The following THEMIS variants were observed in gnomAD, a reference collection of about 807,000 sequenced individuals.
The protein encoded by THEMIS is thymocyte selection associated.
In THEMIS, 37 loss-of-function variants were observed where a neutral mutation model predicts 52.6. The ratio of observed to expected loss-of-function variants is 0.70; its 90% CI spans 0.54 to 0.93. The LOEUF is 0.93. Ranked by LOEUF, THEMIS falls within the 40% of genes least tolerant of loss-of-function variation. The pLI is 0.00. For synonymous variants in THEMIS, 292 were observed against 272.7 expected (o/e 1.07, Z -0.70); for missense variants, 808 against 763.1 (o/e 1.06, Z -0.69).
chr6:127,814,519 T>C (rs1387995809), intron 3 of THEMIS, among the ~76,000 whole-genome samples: 1 of 152,170 alleles, frequency 6.6e-6, no homozygotes, highest in Non-Finnish European at 1.5e-5. Flanking sequence ...TTGAGATTAA[T>C]ATGCGAAAAT....
At chr6:127,752,053 T>C (rs1016193129) in intron 4 of THEMIS, among the ~76,000 whole-genome samples, 4 of 151,726 alleles carry the variant, frequency 2.6e-5, no homozygotes, top group East Asian at 1.9e-4. Context: ...TGGACCACTA[T>C]TGAACAGCCA....
At chr6:127,908,629 T>C in intron 1 of THEMIS, among the ~76,000 whole-genome samples, 1 of 152,114 alleles carries the variant, frequency 6.6e-6, no homozygotes. Flanking sequence ...AACCATGAAA[T>C]AAAAAATGAA....
At chr6:127,856,447 T>G (rs914684464) in intron 1 of THEMIS, among the ~76,000 whole-genome samples, 9 of 151,884 alleles carry the variant, frequency 5.9e-5, no homozygotes, top group African/African-American at 1.9e-4. Context: ...AAAATAAATG[T>G]CCTGACCTCA....
chr6:127,841,064 A>G (rs144471792), intron 2 of THEMIS, among the ~76,000 whole-genome samples: 1 of 152,200 alleles, frequency 6.6e-6, no homozygotes, highest in Admixed American at 6.6e-5. Context: ...AGAATGTACA[A>G]CACCAAAAAT....
At chr6:127,877,200 A>C (rs1016334191) in intron 1 of THEMIS, among the ~76,000 whole-genome samples, 5 of 152,212 alleles carry the variant, frequency 3.3e-5, no homozygotes, top group African/African-American at 1.2e-4. Context: ...GGATTTGGCT[A>C]AGAGAATGTT....
intron 4 of THEMIS, among the ~76,000 whole-genome samples, chr6:127,777,052 C>T (rs1206307182): frequency 6.6e-6 from 1 of 151,934 alleles, no homozygotes; most frequent in African/African-American, 2.4e-5. Flanking sequence ...TTTATATTTA[C>T]AATACATTTT....
At chr6:127,714,823 G>C (rs906219447) in intron 5 of THEMIS, among the ~76,000 whole-genome samples, 4 of 151,822 alleles carry the variant, frequency 2.6e-5, no homozygotes, top group Non-Finnish European at 5.9e-5. Context: ...AAAAGAAAAA[G>C]GTTGCTTTGC....
chr6:127,748,102 A>C (rs1207248827), intron 4 of THEMIS, among the ~76,000 whole-genome samples: 2 of 152,112 alleles, frequency 1.3e-5, no homozygotes, highest in African/African-American at 2.4e-5. Context: ...AAGTGGAGCT[A>C]ATGGCTGGCA....
chr6:127,799,525 C>G (rs1777449435), intron 4 of THEMIS, among the ~76,000 whole-genome samples: 1 of 134,670 alleles, frequency 7.4e-6, no homozygotes, highest in East Asian at 2.0e-4. Flanking sequence ...TTCTTTCTTT[C>G]TTTCTCTTTC....
chr6:127,718,480 T>C (rs562938192), intron 5 of THEMIS, among the ~76,000 whole-genome samples: 1 of 152,038 alleles, frequency 6.6e-6, no homozygotes, highest in Admixed American at 6.6e-5. Context: ...TGCTGTACCA[T>C]CCCAGAAAGA....
intron 1 of THEMIS, among the ~76,000 whole-genome samples, chr6:127,869,233 A>G (rs1470591677): frequency 2.0e-5 from 3 of 152,238 alleles, no homozygotes; most frequent in African/African-American, 7.2e-5. Flanking sequence ...AAAATATCTT[A>G]AGTTGAAAAT....
intron 3 of THEMIS, among the ~76,000 whole-genome samples, chr6:127,828,071 C>T (rs1235470476): frequency 6.6e-6 from 1 of 152,132 alleles, no homozygotes; most frequent in Non-Finnish European, 1.5e-5. Context: ...GCCTGATTAC[C>T]TCCTATGCAT....
In THEMIS at chr6:127,855,105, T is replaced by A. The variant is rs1361217289; in HGVS notation, c.175A>T (p.Ile59Phe). 1 of 1,611,326 alleles carries A rather than the reference T, an allele frequency of 6.2e-7. No homozygotes were observed. Among genetic ancestry groups the A allele is most frequent in the Non-Finnish European group, 8.5e-7 (1 of 1,178,574 alleles). ...IKITGLKVKKIIAEICEQIEG... is the reference protein window; with the variant it reads ...IKITGLKVKKFIAEICEQIEG... ...ATCTGCTCACAAATTTCAGCTATGA[T>A]CTTCTTAACTTTGAGACCAGTAATT... The change falls in exon 2 of 6, where the codon ATC (isoleucine) becomes TTC (phenylalanine). Residue 59 changes from isoleucine to phenylalanine, a missense_variant. Coordinates refer to ENST00000368248, the MANE Select transcript of THEMIS (RefSeq NM_001010923.3).
intron 4 of THEMIS, among the ~76,000 whole-genome samples, chr6:127,744,797 A>G (rs1402647671): frequency 6.6e-6 from 1 of 151,894 alleles, no homozygotes; most frequent in East Asian, 1.9e-4. Flanking sequence ...GTGCATTTAC[A>G]GATTTAAAAG....
chr6:127,843,111 A>G (rs1217926197), intron 2 of THEMIS, among the ~76,000 whole-genome samples: 1 of 152,030 alleles, frequency 6.6e-6, no homozygotes, highest in East Asian at 1.9e-4. Context: ...GAAATTTTCT[A>G]TTTAGTGAAT....
intron 5 of THEMIS, among the ~76,000 whole-genome samples, chr6:127,713,855 T>A (rs942773553): frequency 4.0e-5 from 6 of 151,846 alleles, no homozygotes; most frequent in Non-Finnish European, 8.8e-5. Context: ...AGTTACACAA[T>A]CTGGCTTAAG....
chr6:127,821,845 T>C (rs1778351767), intron 3 of THEMIS, among the ~76,000 whole-genome samples: 1 of 151,974 alleles, frequency 6.6e-6, no homozygotes, highest in Admixed American at 6.6e-5. Context: ...ACTCACTAAG[T>C]GAGAACCAAT....
At chr6:127,825,003 G>T (rs1778460513) in intron 3 of THEMIS, among the ~76,000 whole-genome samples, 1 of 152,070 alleles carries the variant, frequency 6.6e-6, no homozygotes, top group African/African-American at 2.4e-5. Context: ...TTAAAAACAA[G>T]AACAGTGTAA....
chr6:127,817,145 T>C (rs1313757560), intron 3 of THEMIS, among the ~76,000 whole-genome samples: 1 of 152,224 alleles, frequency 6.6e-6, no homozygotes, highest in Admixed American at 6.5e-5. Context: ...AACTGAAACA[T>C]ATGCCTTCCC....
Sources: allele counts gnomAD v4.1 joint callset (sites outside exome capture counted in the v4.1 genomes callset), GRCh38; gene constraint gnomAD v4.1.1; transcripts MANE v1.5; gene names NCBI Gene and HGNC (gene_info 2026-07-23, HGNC 2026-07-21).